CXCL13: variants seen among roughly 807,000 people sequenced by gnomAD.
CXCL13 encodes the protein C-X-C motif chemokine 13.
In CXCL13, 7 loss-of-function variants were observed where a neutral mutation model predicts 12.2. The observed-to-expected ratio is 0.57, with a 90% confidence interval of 0.33 to 1.07. CXCL13 has a LOEUF of 1.07. CXCL13 is among the 50% of genes least tolerant of loss of function. The pLI, the probability that CXCL13 is intolerant of heterozygous loss-of-function variation, is 0.04. For missense variants in CXCL13, 113 were observed against 127.4 expected (o/e 0.89, Z 0.55); for synonymous variants, 47 against 42.4 (o/e 1.11, Z -0.42).
chr4:77,521,719 T>C (rs1365671001), intron 1 of CXCL13, among the ~76,000 whole-genome samples: 3 of 151,988 alleles, frequency 2.0e-5, no homozygotes, highest in Non-Finnish European at 4.4e-5. Flanking sequence ...TTTCAATTCT[T>C]CTCTGATCTT....
intron 1 of CXCL13, among the ~76,000 whole-genome samples, chr4:77,562,024 G>A (rs997744605): frequency 9.2e-5 from 14 of 152,120 alleles, no homozygotes; most frequent in African/African-American, 2.2e-4. Flanking sequence ...CAGCAGCTGC[G>A]GAGGGTGCGC....
upstream of CXCL13, among the ~76,000 whole-genome samples, chr4:77,601,893 A>G (rs1726886666): frequency 6.6e-6 from 1 of 152,214 alleles, no homozygotes; most frequent in African/African-American, 2.4e-5. Context: ...AGCCAGTCTG[A>G]TTTCAGAGCC....
intron 1 of CXCL13, among the ~76,000 whole-genome samples, chr4:77,521,476 T>C (rs1679547631): frequency 6.6e-6 from 1 of 152,254 alleles, no homozygotes; most frequent in Admixed American, 6.5e-5. Flanking sequence ...TTTATCCATT[T>C]CTTCTAAGTT....
chr4:77,516,541 T>C (rs1477642153), intron 1 of CXCL13, among the ~76,000 whole-genome samples: 1 of 152,082 alleles, frequency 6.6e-6, no homozygotes, highest in Non-Finnish European at 1.5e-5. Context: ...CTTGGGAGAG[T>C]GTATGTGTGG....
intron 1 of CXCL13, among the ~76,000 whole-genome samples, chr4:77,577,604 G>A (rs1472324017): frequency 6.6e-6 from 1 of 152,166 alleles, no homozygotes; most frequent in African/African-American, 2.4e-5. Flanking sequence ...AGTGGAGGTA[G>A]GACGTACATG....
At chr4:77,543,911 T>A (rs375694034) in intron 1 of CXCL13, among the ~76,000 whole-genome samples, 85 of 152,190 alleles carry the variant, frequency 5.6e-4, no homozygotes, top group African/African-American at 1.9e-3. Context: ...CCCAACCCCA[T>A]GACAGGTCCC....
chr4:77,544,528 G>C (rs139139947), intron 1 of CXCL13, among the ~76,000 whole-genome samples: 4 of 152,152 alleles, frequency 2.6e-5, no homozygotes, highest in Non-Finnish European at 1.5e-5. Flanking sequence ...GTGTCTGTAG[G>C]CTGCATAAAT....
rs541515249 is a variant in CXCL13, at chr4:77,525,615, CTT to C, written c.-43+13836_-43+13837del. ...TGTAGAACATATGACACAGTTGAGTCTTTTTTTTTTAAGAAAAGTGAACACAG... is the reference window on the plus strand; with the variant it reads ...TGTAGAACATATGACACAGTTGAGTCTTTTTTTTAAGAAAAGTGAACACAG... On this transcript the variant is annotated intron_variant, in intron 1 of 4. Coordinates refer to the CXCL13 transcript ENST00000286758. 8.8e-5 allele frequency among the ~76,000 whole-genome samples: 13 copies of C among 147,746 alleles called. No individual in the cohort carries two copies. In the South Asian group the frequency reaches 2.8e-3, roughly 32 times the overall value.
chr4:77,574,971 G>C (rs1028233917), intron 1 of CXCL13, among the ~76,000 whole-genome samples: 1 of 151,910 alleles, frequency 6.6e-6, no homozygotes, highest in South Asian at 2.1e-4. Context: ...TAGGGCTAAA[G>C]GGTTGTTTTG....
intron 1 of CXCL13, among the ~76,000 whole-genome samples, chr4:77,571,034 G>A (rs1200965958): frequency 6.6e-6 from 1 of 152,028 alleles, no homozygotes; most frequent in Admixed American, 6.5e-5. Flanking sequence ...GCCACCCAAG[G>A]CCTGAGGAGT....
chr4:77,565,579 A>G (rs1471733382), intron 1 of CXCL13, among the ~76,000 whole-genome samples: 1 of 152,120 alleles, frequency 6.6e-6, no homozygotes, highest in Non-Finnish European at 1.5e-5. Flanking sequence ...AGTGGTTCTG[A>G]CCTTCCTTTC....
At chr4:77,586,856 G>C (rs1726482799) in intron 1 of CXCL13, among the ~76,000 whole-genome samples, 1 of 152,286 alleles carries the variant, frequency 6.6e-6, no homozygotes, top group South Asian at 2.1e-4. Flanking sequence ...AAAGAGTCTA[G>C]ATAGCAATTG....
upstream of CXCL13, among the ~76,000 whole-genome samples, chr4:77,605,508 C>T (rs1726980932): frequency 6.6e-6 from 1 of 152,100 alleles, no homozygotes; most frequent in South Asian, 2.1e-4. Context: ...GAGAGAAGCA[C>T]TCAAAACCAC....
At position 77,611,018 on chromosome 4, in the gene CXCL13, G is replaced by A; in HGVS notation, c.309G>A (p.Val103=). 6.2e-7 allele frequency: 1 copy of A among 1,611,450 alleles called. No homozygotes were observed. Among genetic ancestry groups the A allele is most frequent in the South Asian group, 1.1e-5 (1 of 91,016 alleles). ...GTTCTTCAACTCTACCAGTTCCAGTGTTTAAGAGAAAGATTCCCTGATGCT... is the reference window on the plus strand; with the variant it reads ...GTTCTTCAACTCTACCAGTTCCAGTATTTAAGAGAAAGATTCCCTGATGCT... ...KRSSSTLPVP[V]FKRKIP is the part of the protein sequence containing the mutation. The change falls in exon 4 of 4, where the codon GTG becomes GTA. Residue 103 remains valine (V), a synonymous_variant. Coordinates refer to ENST00000682537, the MANE Select transcript of CXCL13 (RefSeq NM_001371558.1).
At chr4:77,596,503 G>C (rs992575180) in intron 1 of CXCL13, among the ~76,000 whole-genome samples, 2 of 152,046 alleles carry the variant, frequency 1.3e-5, no homozygotes, top group Non-Finnish European at 2.9e-5. Context: ...CAATACCTTG[G>C]GCTGGGCACA....
At chr4:77,542,749 T>C (rs887483030) in intron 1 of CXCL13, among the ~76,000 whole-genome samples, 1 of 152,236 alleles carries the variant, frequency 6.6e-6, no homozygotes, top group African/African-American at 2.4e-5. Context: ...TTTTAAGTGC[T>C]ACTGGATTCA....
At chr4:77,535,849 C>T (rs1040287064) in intron 1 of CXCL13, among the ~76,000 whole-genome samples, 2 of 152,138 alleles carry the variant, frequency 1.3e-5, no homozygotes, top group Non-Finnish European at 2.9e-5. Flanking sequence ...CATTTGAGTG[C>T]CAGATAAGAT....
At chr4:77,596,785 C>CAAAAAAAAAAA (rs1024280441) in intron 1 of CXCL13, among the ~76,000 whole-genome samples, 1 of 64,790 alleles carries the variant, frequency 1.5e-5, no homozygotes, top group African/African-American at 5.0e-5. Context: ...GACTCTGTCT[C>CAAAAAAAAAAA]AAAAAAAAAA....
intron 1 of CXCL13, among the ~76,000 whole-genome samples, chr4:77,566,904 AG>A (rs1352733183): frequency 1.4e-4 from 21 of 152,232 alleles, no homozygotes; most frequent in African/African-American, 5.1e-4. Flanking sequence ...TCTGAGCCCA[AG>A]CTAAGCCATC....
Sources: gnomAD v4.1 joint callset for allele counts (sites outside exome capture counted in the v4.1 genomes callset) on GRCh38, gnomAD v4.1.1 for gene constraint, MANE v1.5 for transcripts, NCBI Gene and HGNC (gene_info 2026-07-23, HGNC 2026-07-21) for gene names.